Variants in B3GALT1 observed in about 807,000 individuals in gnomAD.
B3GALT1 encodes the protein beta-1,3-galactosyltransferase 1.
A neutral mutation model predicts 23.2 loss-of-function variants in B3GALT1; 10 were observed. The ratio of observed to expected loss-of-function variants is 0.43; its 90% confidence interval spans 0.27 to 0.73. B3GALT1 has a LOEUF of 0.73. Among genes scored for constraint, B3GALT1 ranks in the 30% least tolerant of loss-of-function variants. B3GALT1 has a pLI of 0.21. For missense variants in B3GALT1, 299 were observed against 405.4 expected (o/e 0.74, Z 2.25); for synonymous variants, 156 against 141.5 (o/e 1.10, Z -0.73).
In B3GALT1 at chr2:167,368,903, G is replaced by T. The variant is rs182867419; in HGVS notation, c.-511+75569G>T. ...GGTATTGCATGCTTCCCCCCCCCAT[G>T]TGAGTATTCCTAAGATAGTAGATGG... On this transcript the variant is annotated intron_variant, in intron 1 of 4. Coordinates refer to ENST00000392690, the MANE Select transcript of B3GALT1 (RefSeq NM_020981.4). 7.2e-5 allele frequency among the ~76,000 whole-genome samples: 11 copies of T among 151,746 alleles called. No individual in the cohort carries two copies. The East Asian group carries it at 2.1e-3, about 29-fold the overall frequency.
In B3GALT1 at chr2:167,662,865, T is replaced by C. The variant is rs560537475; in HGVS notation, c.-352+15899T>C. Among the ~76,000 whole-genome samples the C allele has an allele frequency of 1.4e-4, 22 of 152,266 alleles. No individual in the cohort carries two copies. In the South Asian group the frequency reaches 4.3e-3, roughly 30 times the overall value. On this transcript the variant is annotated intron_variant, in intron 3 of 4. Transcript: ENST00000392690. ...TTGCATCTGCTGTTTCTTTTGCCTG[T>C]AATGCTCTTCCAAAGATATATATGC...
intron 4 of B3GALT1, among the ~76,000 whole-genome samples, chr2:167,829,230 T>A (rs1249570274): frequency 6.6e-6 from 1 of 152,152 alleles, no homozygotes; most frequent in East Asian, 1.9e-4. Context: ...ACGCCTGTAA[T>A]CCCAGCACTT....
chr2:167,429,062 G>C (rs1459323824), intron 1 of B3GALT1, among the ~76,000 whole-genome samples: 1 of 151,956 alleles, frequency 6.6e-6, no homozygotes, highest in East Asian at 1.9e-4. Flanking sequence ...GGCGGATCAC[G>C]AGGTCAGGAG....
intron 2 of B3GALT1, among the ~76,000 whole-genome samples, chr2:167,543,517 G>A (rs562557229): frequency 1.3e-5 from 2 of 152,046 alleles, no homozygotes; most frequent in Non-Finnish European, 2.9e-5. Context: ...GAAAAATTAT[G>A]AAAAAAGCAA....
At chr2:167,598,661 C>T (rs565620935) in intron 2 of B3GALT1, among the ~76,000 whole-genome samples, 11 of 152,232 alleles carry the variant, frequency 7.2e-5, no homozygotes, top group Admixed American at 2.6e-4. Context: ...TCTCACGTGG[C>T]GTGTCCATCT....
At chr2:167,300,845 T>G (rs1696432614) in intron 1 of B3GALT1, among the ~76,000 whole-genome samples, 1 of 152,108 alleles carries the variant, frequency 6.6e-6, no homozygotes, top group Admixed American at 6.5e-5. Flanking sequence ...GGGGAAAAGA[T>G]TTTACCTTAT....
intron 2 of B3GALT1, among the ~76,000 whole-genome samples, chr2:167,494,240 T>G (rs1699747746): frequency 6.6e-6 from 1 of 151,930 alleles, no homozygotes; most frequent in Non-Finnish European, 1.5e-5. Context: ...GAATAAATAT[T>G]TAATAAATAG....
intron 1 of B3GALT1, among the ~76,000 whole-genome samples, chr2:167,328,773 C>T (rs1574034963): frequency 6.6e-6 from 1 of 151,806 alleles, no homozygotes; most frequent in South Asian, 2.1e-4. Flanking sequence ...TTTTTCTAGT[C>T]CTTTGAGGTC....
At chr2:167,757,735 GAT>G (rs1292027982) in intron 3 of B3GALT1, among the ~76,000 whole-genome samples, 4 of 152,032 alleles carry the variant, frequency 2.6e-5, no homozygotes, top group African/African-American at 9.7e-5. Flanking sequence ...GATTTGATTT[GAT>G]TTCCTATTTG....
chr2:167,367,518 T>C (rs1320826662), intron 1 of B3GALT1, among the ~76,000 whole-genome samples: 1 of 152,152 alleles, frequency 6.6e-6, no homozygotes, highest in Non-Finnish European at 1.5e-5. Context: ...TAGGACACAT[T>C]TTTGAGGATT....
chr2:167,691,627 G>A (rs1686713803), intron 3 of B3GALT1, among the ~76,000 whole-genome samples: 1 of 152,084 alleles, frequency 6.6e-6, no homozygotes, highest in South Asian at 2.1e-4. Flanking sequence ...TGTATCACCA[G>A]CACTTGCATT....
chr2:167,767,425 T>C (rs551588643), intron 3 of B3GALT1, among the ~76,000 whole-genome samples: 1 of 152,308 alleles, frequency 6.6e-6, no homozygotes, highest in East Asian at 1.9e-4. Flanking sequence ...TCACCACAAA[T>C]TTGATGTTGT....
chr2:167,414,602 G>C (rs1442364573), intron 1 of B3GALT1, among the ~76,000 whole-genome samples: 1 of 152,086 alleles, frequency 6.6e-6, no homozygotes, highest in Non-Finnish European at 1.5e-5. Flanking sequence ...CTCCAGAAAA[G>C]CCATTTATAG....
chr2:167,524,846 CAT>C (rs1683193723), intron 2 of B3GALT1, among the ~76,000 whole-genome samples: 1 of 152,160 alleles, frequency 6.6e-6, no homozygotes, highest in Non-Finnish European at 1.5e-5. Flanking sequence ...AACATATCAA[CAT>C]GTTTTAGAGA....
At chr2:167,648,324 G>T (rs1685792550) in intron 3 of B3GALT1, among the ~76,000 whole-genome samples, 1 of 152,002 alleles carries the variant, frequency 6.6e-6, no homozygotes, top group South Asian at 2.1e-4. Context: ...CTAGTCCCAA[G>T]ATTCATATCC....
intron 3 of B3GALT1, among the ~76,000 whole-genome samples, chr2:167,797,677 G>T (rs1209133346): frequency 2.6e-5 from 4 of 151,258 alleles, no homozygotes; most frequent in African/African-American, 9.8e-5. Flanking sequence ...ATTCTGACTG[G>T]TATGAGATGT....
intron 1 of B3GALT1, among the ~76,000 whole-genome samples, chr2:167,435,845 C>T (rs1473702971): frequency 1.3e-5 from 2 of 151,852 alleles, no homozygotes; most frequent in Non-Finnish European, 2.9e-5. Flanking sequence ...ATAAATGTCC[C>T]ATAATTACTT....
intron 1 of B3GALT1, among the ~76,000 whole-genome samples, chr2:167,470,567 T>C (rs1699408050): frequency 6.6e-6 from 1 of 152,134 alleles, no homozygotes; most frequent in African/African-American, 2.4e-5. Context: ...AAAATGTTGA[T>C]GTCTAGATTA....
At position 167,667,998 on chromosome 2, in the gene B3GALT1, C is replaced by T. The variant is rs936483556; in HGVS notation, c.-352+21032C>T. The stretch of plus-strand genomic sequence containing the variant: ...TTGTTCCATTGCTGGTGAGGAGCTG[C>T]GTTCCTTTGGAGGAGGAGAGGCGCT... On this transcript the variant is annotated intron_variant, in intron 3 of 4. Transcript: ENST00000392690. 3.3e-5 allele frequency among the ~76,000 whole-genome samples: 5 copies of T among 152,180 alleles called. 1 individual carries two copies. Among genetic ancestry groups the T allele is most frequent in the African/African-American group, 7.2e-5 (3 of 41,442 alleles).
Sources: allele counts gnomAD v4.1 joint callset (sites outside exome capture counted in the v4.1 genomes callset), GRCh38; gene constraint gnomAD v4.1.1; transcripts MANE v1.5; gene names NCBI Gene and HGNC (gene_info 2026-07-23, HGNC 2026-07-21).